Variants in CTH observed in about 807,000 individuals in gnomAD.
CTH encodes cystathionine gamma-lyase.
CTH carries 41 observed loss-of-function variants against 50.6 expected under a neutral mutation model. The observed-to-expected ratio is 0.81, with a 90% CI of 0.63 to 1.05. CTH has a LOEUF of 1.05. Ranked by LOEUF, CTH falls within the 50% of genes least tolerant of loss-of-function variation. CTH has a pLI of 0.00. For synonymous variants in CTH, 156 were observed against 168.9 expected, an observed-to-expected ratio of 0.92 and a Z score of 0.59; for missense variants, 470 against 492.6, an observed-to-expected ratio of 0.95 and a Z score of 0.43.
rs907718365 is a variant in CTH at position 70,411,431 on chromosome 1, G to C, written c.16G>C (p.Ala6Pro). The change falls in exon 1 of 12, where the codon GCC (alanine) becomes CCC (proline). Residue 6 changes from alanine (A) to proline (P), a missense_variant. By Grantham distance (27) the Ala-to-Pro change is conservative. Coordinates refer to ENST00000370938, the MANE Select transcript of CTH (RefSeq NM_001902.6). MQEKD[A>P]SSQGFLPHFQ... Reference sequence around the variant, plus strand: ...GCGGTTCAGCATGCAGGAAAAAGACGCCTCCTCACAAGGTTTCCTGCCACA... The same window carrying C: ...GCGGTTCAGCATGCAGGAAAAAGACCCCTCCTCACAAGGTTTCCTGCCACA... 6.2e-7 allele frequency: 1 copy of C among 1,613,978 alleles called. No homozygotes were observed. The highest frequency in any genetic ancestry group is 8.5e-7 in the Non-Finnish European group (1 of 1,179,896).
intron 4 of CTH, among the ~76,000 whole-genome samples, 168 bp from the exon 5 acceptor site, chr1:70,424,117 G>T (rs1431307537): frequency 4.6e-5 from 7 of 152,022 alleles, no homozygotes; most frequent in Admixed American, 4.6e-4. Flanking sequence ...ACATACCTAC[G>T]GCTTCAGAAA....
Position 70,433,917 on chromosome 1 carries a change from C to A in CTH, c.967C>A (p.Gln323Lys). The change falls in exon 9 of 12, where the codon CAG becomes AAG. Residue 323 changes from glutamine (Q) to lysine (K), a missense_variant. Coordinates refer to ENST00000370938, the MANE Select transcript of CTH (RefSeq NM_001902.6). ...MVTFYIKGTL[Q>K]HAEIFLKNLK... ...CACCTTTTATATTAAGGGCACTCTT[C>A]AGCATGCTGAGATTTTCCTCAAGAA... 1 of 1,614,072 alleles carries A rather than the reference C, an allele frequency of 6.2e-7. No homozygotes were observed.
chr1:70,432,043 C>T, intron 7 of CTH, 40 bp from the exon 8 acceptor site: 1 of 1,611,802 alleles, frequency 6.2e-7, no homozygotes, highest in Non-Finnish European at 8.5e-7. Flanking sequence ...CTTGGCCATA[C>T]CCTGCCTTCA....
rs532905572 is a variant in CTH at position 70,433,722 on chromosome 1, C to T, written c.878-106C>T. The T allele has an allele frequency of 7.9e-6, 12 of 1,526,668 alleles. 1 individual carries two copies. In the Admixed American group the frequency reaches 8.9e-5, roughly 11 times the overall value. The allele number at this position is 1,526,668 out of a possible 1,614,324, so 94.6% of individuals were successfully genotyped here. On this transcript the variant is annotated intron_variant, in intron 8 of 11. Coordinates refer to ENST00000370938, the MANE Select transcript of CTH (RefSeq NM_001902.6). ...GATGTGAGCATGGCATAATCCTCGT[C>T]TTAGGCTTATTTGCAGTTAAGTAGA...
chr1:70,435,037 C>A (rs1247989644), intron 9 of CTH, 88 bp from the exon 10 acceptor site: 4 of 1,239,002 alleles, frequency 3.2e-6, no homozygotes, highest in African/African-American at 1.5e-5. Flanking sequence ...AGGCATGAGC[C>A]ACTGTGCCTG....
intron 1 of CTH, among the ~76,000 whole-genome samples, chr1:70,413,828 A>C (rs770007266): frequency 1.5e-5 from 2 of 135,216 alleles, no homozygotes; most frequent in African/African-American, 5.7e-5. Flanking sequence ...TGCATCCTCC[A>C]CCTCCTGGGT....
intron 5 of CTH, among the ~76,000 whole-genome samples, chr1:70,424,724 G>C (rs1684309321): frequency 6.6e-6 from 1 of 152,144 alleles, no homozygotes; most frequent in Non-Finnish European, 1.5e-5. Flanking sequence ...GGGCGGATCA[G>C]GAGATCAGGG....
intron 7 of CTH, among the ~76,000 whole-genome samples, chr1:70,430,735 G>A (rs979306144): frequency 1.1e-4 from 17 of 151,580 alleles, no homozygotes; most frequent in African/African-American, 3.4e-4. Context: ...TAGAGACGGG[G>A]TTTCACCGTG....
intron 1 of CTH, among the ~76,000 whole-genome samples, chr1:70,414,451 G>A (rs1279803834): frequency 4.0e-5 from 6 of 151,836 alleles, no homozygotes; most frequent in African/African-American, 1.5e-4. Flanking sequence ...GGTGGAGGTT[G>A]CGCCACTGCA....
At chr1:70,430,441 C>T in intron 7 of CTH, 47 bp downstream of exon 7, 1 of 886,444 alleles carries the variant, frequency 1.1e-6, no homozygotes, top group East Asian at 2.4e-5. Flanking sequence ...TCAGTGACTA[C>T]ATTTGATATT....
intron 1 of CTH, chr1:70,411,784 G>A: frequency 1.4e-6 from 1 of 717,156 alleles, no homozygotes; most frequent in Non-Finnish European, 1.7e-6. Context: ...AAGCAGGACT[G>A]GAAGGAGCCG....
chr1:70,427,844 C>A (rs923048275), intron 5 of CTH, among the ~76,000 whole-genome samples: 1 of 152,132 alleles, frequency 6.6e-6, no homozygotes, highest in African/African-American at 2.4e-5. Context: ...TCCCGAGTAG[C>A]TGGGATTACA....
rs528874704 is a variant in CTH, at chr1:70,422,540, T to G, written c.456+865T>G. Reference sequence around the variant, plus strand: ...TGGTTGAGCTTTTGGTAATTAAGGTTTGTTTCCAGAAGAACTTGTTTTTTA... The same window carrying G: ...TGGTTGAGCTTTTGGTAATTAAGGTGTGTTTCCAGAAGAACTTGTTTTTTA... On this transcript the variant is annotated intron_variant, in intron 4 of 11. Transcript: ENST00000370938. Among the ~76,000 whole-genome samples the G allele has an allele frequency of 8.9e-4, 135 of 152,316 alleles. No individual in the cohort carries two copies. In the Middle Eastern group the frequency reaches 0.017, roughly 19 times the overall value.
intron 6 of CTH, 69 bp downstream of exon 6, chr1:70,429,920 C>A: frequency 9.1e-7 from 1 of 1,100,500 alleles, no homozygotes; most frequent in Non-Finnish European, 1.4e-6. Flanking sequence ...GGCTTTTGAT[C>A]CCTTTTCTTT....
intron 9 of CTH, 45 bp downstream of exon 9, chr1:70,433,994 A>G (rs1338538764): frequency 1.2e-6 from 2 of 1,610,484 alleles, no homozygotes; most frequent in Non-Finnish European, 1.7e-6. Flanking sequence ...GTAAGGCCTT[A>G]CAGCAGTTCA....
At chr1:70,432,371 T>C in intron 8 of CTH, 136 bp downstream of exon 8, 1 of 1,044,954 alleles carries the variant, frequency 9.6e-7, no homozygotes, top group Non-Finnish European at 1.4e-6. Context: ...AGCACTGCCA[T>C]GTGTCAGGCT....
At chr1:70,422,879 C>T (rs749167774) in intron 4 of CTH, among the ~76,000 whole-genome samples, 1 of 151,874 alleles carries the variant, frequency 6.6e-6, no homozygotes, top group Admixed American at 6.6e-5. Context: ...CAAAGTGCTG[C>T]GATTACAGGC....
At position 70,433,877 on chromosome 1, in the gene CTH, T is replaced by C. The variant is rs778119546; in HGVS notation, c.927T>C (p.Gly309=). ...QHELVKRQCT[G]CTGMVTFYIK... is the part of the protein sequence containing the mutation. The stretch of plus-strand genomic sequence containing the variant: ...AGTTGGTGAAGCGTCAGTGTACAGG[T>C]TGTACAGGGATGGTCACCTTTTATA... The change falls in exon 9 of 12, where the codon GGT becomes GGC. Residue 309 remains glycine, a synonymous_variant. Transcript: ENST00000370938. The C allele has an allele frequency of 7.4e-6, 12 of 1,613,934 alleles. No individual in the cohort carries two copies. In the South Asian group the frequency reaches 1.2e-4, roughly 16 times the overall value.
In CTH at chr1:70,435,113, T is replaced by C. The variant is rs369243116; in HGVS notation, c.1000-12T>C. ...TACTAGAAAATCTAAATTCATGTTT[T>C]CTTTGCTATAGCTATTTACTCTGGC... is the stretch of plus-strand genomic sequence containing the variant. On this transcript the variant is annotated splice_polypyrimidine_tract_variant and intron_variant, in intron 9 of 11. Coordinates refer to ENST00000370938, the MANE Select transcript of CTH (RefSeq NM_001902.6). 2 of 1,610,156 alleles carry C rather than the reference T, an allele frequency of 1.2e-6. No individual in the cohort carries two copies. The highest frequency in any genetic ancestry group is 2.7e-5 in the African/African-American group (2 of 74,810).
Sources: gnomAD v4.1 joint callset for allele counts (sites outside exome capture counted in the v4.1 genomes callset) on GRCh38, gnomAD v4.1.1 for gene constraint, MANE v1.5 for transcripts, NCBI Gene and HGNC (gene_info 2026-07-23, HGNC 2026-07-21) for gene names.